The following OXCT1 variants were observed in gnomAD, a reference collection of about 807,000 sequenced individuals.
OXCT1 encodes the protein 3-oxoacid CoA-transferase 1.
A neutral mutation model predicts 69.6 loss-of-function variants in OXCT1; 27 were observed. The observed-to-expected ratio is 0.39, with a 90% CI of 0.29 to 0.54. OXCT1 has a LOEUF of 0.54. Among genes scored for constraint, OXCT1 ranks in the 20% least tolerant of loss-of-function variants. The pLI, the probability that OXCT1 is intolerant of heterozygous loss-of-function variation, is 0.72. For missense variants in OXCT1, 437 were observed against 650.2 expected (o/e 0.67, Z 3.57); for synonymous variants, 202 against 217.8 (o/e 0.93, Z 0.64).
intron 13 of OXCT1, among the ~76,000 whole-genome samples, chr5:41,772,256 T>C (rs1056181694): frequency 2.0e-5 from 3 of 151,982 alleles, no homozygotes; most frequent in South Asian, 4.2e-4. Context: ...GGGCAGCACA[T>C]ACTTGCTCCA....
At chr5:41,819,375 G>T (rs1747418668) in intron 7 of OXCT1, among the ~76,000 whole-genome samples, 1 of 143,658 alleles carries the variant, frequency 7.0e-6, no homozygotes, top group African/African-American at 2.5e-5. Flanking sequence ...TTTTGGGGGG[G>T]ATTGGGGGGG....
intron 13 of OXCT1, among the ~76,000 whole-genome samples, chr5:41,774,569 C>A (rs1745033843): frequency 6.6e-6 from 1 of 152,108 alleles, no homozygotes; most frequent in African/African-American, 2.4e-5. Flanking sequence ...GAAAGAGCTC[C>A]CAATGGCTAT....
At chr5:41,859,889 A>AATATATATATATATATATATATGTAAT (rs113518106) in intron 3 of OXCT1, among the ~76,000 whole-genome samples, 1 of 88,656 alleles carries the variant, frequency 1.1e-5, no homozygotes, top group African/African-American at 3.5e-5. Context: ...ATATATATGT[A>AATATATATATATATATATATATGTAAT]ATATATATAT....
At position 41,842,571 on chromosome 5, in the gene OXCT1, A is replaced by AT. The variant is rs1579856360; in HGVS notation, c.671+103dup. 3.6e-6 allele frequency: 3 copies of AT among 842,214 alleles called. No individual in the cohort carries two copies. The East Asian group carries it at 7.3e-5, about 20-fold the overall frequency. 52.2% of individuals were successfully genotyped at this position (842,214 alleles called of 1,614,324 possible). The stretch of plus-strand genomic sequence containing the variant: ...TGTGCAATACACATGGGCATGTATG[A>AT]TTTTGGGCCATTACGAAAATACATT... On this transcript the variant is annotated intron_variant, in intron 6 of 16. Coordinates refer to ENST00000196371, the MANE Select transcript of OXCT1 (RefSeq NM_000436.4).
chr5:41,741,289 A>T (rs1228704087), intron 15 of OXCT1, among the ~76,000 whole-genome samples: 1 of 152,106 alleles, frequency 6.6e-6, no homozygotes, highest in Non-Finnish European at 1.5e-5. Flanking sequence ...CAAACCTTGA[A>T]TTGTCATTTT....
intron 15 of OXCT1, among the ~76,000 whole-genome samples, chr5:41,745,920 C>A (rs975963329): frequency 9.9e-5 from 15 of 152,026 alleles, no homozygotes; most frequent in South Asian, 4.1e-4. Context: ...GGCTTACCAA[C>A]CAAAAAACGT....
At chr5:41,839,664 G>T in intron 7 of OXCT1, among the ~76,000 whole-genome samples, 1 of 152,156 alleles carries the variant, frequency 6.6e-6, no homozygotes, top group South Asian at 2.1e-4. Flanking sequence ...TCTTGGCCTT[G>T]TAAAAATGAA....
At position 41,850,046 on chromosome 5, in the gene OXCT1, G is replaced by T; in HGVS notation, c.548C>A (p.Ala183Asp). ...KYNKDGSVAI[A>D]SKPREVREFN... The stretch of plus-strand genomic sequence containing the variant: ...GTTTCTTACCTCTCTTGGCTTACTG[G>T]CAATGGCAACACTGCCATCTTTGTT... Residue 183 changes from alanine (A) to aspartate (D), a missense_variant, in exon 5 of 17, where the codon GCC becomes GAC. Physicochemically the swap from Ala to Asp is moderately radical, Grantham distance 126 (BLOSUM62 -2). Coordinates refer to ENST00000196371, the MANE Select transcript of OXCT1 (RefSeq NM_000436.4). 1 of 1,613,854 alleles carries T rather than the reference G, an allele frequency of 6.2e-7. No individual in the cohort carries two copies. Among genetic ancestry groups the T allele is most frequent in the South Asian group, 1.1e-5 (1 of 91,074 alleles).
chr5:41,787,803 C>T (rs1026555780), intron 13 of OXCT1, among the ~76,000 whole-genome samples: 3 of 151,912 alleles, frequency 2.0e-5, no homozygotes, highest in Non-Finnish European at 4.4e-5. Flanking sequence ...CAACTAAAGG[C>T]TACTCTCAAC....
In OXCT1 at chr5:41,758,052, G is replaced by A. The variant is rs116770700; in HGVS notation, c.1338+4059C>T. Among the ~76,000 whole-genome samples the A allele has an allele frequency of 4.8e-3, 725 of 152,194 alleles. 3 individuals are homozygous for A. Among genetic ancestry groups the A allele is most frequent in the African/African-American group, 0.013 (549 of 41,546 alleles). ...CAGGGACCTTTGGAATGCTGCAGTA[G>A]TGATCTATGCAGATGTAAAGAAGGC... On this transcript the variant is annotated intron_variant, in intron 14 of 16. Coordinates refer to ENST00000196371, the MANE Select transcript of OXCT1 (RefSeq NM_000436.4).
At chr5:41,732,630 A>G (rs1449798887) in intron 16 of OXCT1, among the ~76,000 whole-genome samples, 1 of 152,206 alleles carries the variant, frequency 6.6e-6, no homozygotes, top group Non-Finnish European at 1.5e-5. Context: ...TGCTTTTTGA[A>G]ATTCTGAAAG....
chr5:41,853,411 T>G lies in OXCT1; in HGVS notation c.414+8A>C, dbSNP rs923298081. 2.5e-6 allele frequency: 4 copies of G among 1,613,050 alleles called. No homozygotes were observed. In the Admixed American group the frequency reaches 6.7e-5, roughly 27 times the overall value. On this transcript the variant is annotated splice_region_variant and intron_variant, in intron 4 of 16. Transcript: ENST00000196371. Reference sequence around the variant, plus strand: ...TTAGTATTATAAAAGAAAAGCAAATTTTCTCACCTGTGGTGTCAGCTCCAC... The same window carrying G: ...TTAGTATTATAAAAGAAAAGCAAATGTTCTCACCTGTGGTGTCAGCTCCAC...
chr5:41,850,431 A>C (rs1235975319), intron 4 of OXCT1, among the ~76,000 whole-genome samples: 3 of 152,180 alleles, frequency 2.0e-5, no homozygotes, highest in Non-Finnish European at 4.4e-5. Flanking sequence ...TTGAGCTTCC[A>C]TACCTCTCAA....
chr5:41,793,891 T>C, intron 13 of OXCT1, 112 bp downstream of exon 13: 1 of 729,414 alleles, frequency 1.4e-6, no homozygotes, highest in African/African-American at 1.8e-5. Context: ...AAGAAATATA[T>C]ATTAAAATAT....
At chr5:41,858,220 A>G (rs1260116151) in intron 3 of OXCT1, among the ~76,000 whole-genome samples, 1 of 152,158 alleles carries the variant, frequency 6.6e-6, no homozygotes, top group African/African-American at 2.4e-5. Context: ...TCAGCTTACA[A>G]TGAGAGTGTT....
At chr5:41,746,852 C>T (rs1429142649) in intron 15 of OXCT1, among the ~76,000 whole-genome samples, 1 of 152,086 alleles carries the variant, frequency 6.6e-6, no homozygotes, top group Non-Finnish European at 1.5e-5. Flanking sequence ...CAACTATTCT[C>T]TCTAGTCAGA....
At chr5:41,733,869 G>A (rs564208315) in intron 16 of OXCT1, among the ~76,000 whole-genome samples, 2 of 152,272 alleles carry the variant, frequency 1.3e-5, no homozygotes, top group Non-Finnish European at 2.9e-5. Context: ...TTCTGCCAAC[G>A]TGATCTGCAG....
At chr5:41,755,973 A>G (rs1376225622) in intron 14 of OXCT1, among the ~76,000 whole-genome samples, 1 of 152,118 alleles carries the variant, frequency 6.6e-6, no homozygotes, top group Non-Finnish European at 1.5e-5. Flanking sequence ...TTTATATGAC[A>G]AAGGCAGCAC....
chr5:41,806,762 T>C (rs1472933520), intron 8 of OXCT1, among the ~76,000 whole-genome samples: 6 of 152,056 alleles, frequency 3.9e-5, no homozygotes, highest in Non-Finnish European at 8.8e-5. Flanking sequence ...AACTTCTTTA[T>C]AAATTACCCA....
Sources: gnomAD v4.1 joint callset for allele counts (sites outside exome capture counted in the v4.1 genomes callset) on GRCh38, gnomAD v4.1.1 for gene constraint, MANE v1.5 for transcripts, NCBI Gene and HGNC (gene_info 2026-07-23, HGNC 2026-07-21) for gene names.